Variants in CEP128 observed in about 807,000 individuals in gnomAD.
CEP128 encodes centrosomal protein 128kDa.
In CEP128, 132 loss-of-function variants were observed where a neutral mutation model predicts 156.7. The observed-to-expected ratio is 0.84, with a 90% CI of 0.73 to 0.97. CEP128 has a LOEUF of 0.97. Among genes scored for constraint, CEP128 ranks in the 50% least tolerant of loss-of-function variants. CEP128 has a pLI of 0.00. For synonymous variants in CEP128, 469 were observed against 448.9 expected, an observed-to-expected ratio of 1.04 and a Z score of -0.57; for missense variants, 1,252 against 1,281.9, an observed-to-expected ratio of 0.98 and a Z score of 0.36.
At chr14:80,879,771 AT>A (rs1340560036) in intron 8 of CEP128, among the ~76,000 whole-genome samples, 1 of 152,240 alleles carries the variant, frequency 6.6e-6, no homozygotes, top group African/African-American at 2.4e-5. Context: ...TAATGAAATA[AT>A]TGCTGAAAAC....
At chr14:80,478,045 C>T (rs12897856) in exon 15 of CEP128, 41,564 of 152,072 alleles carry the variant, frequency 0.27, 6,542 homozygotes, top group Admixed American at 0.38. Flanking sequence ...CCTTCAGCTT[C>T]ATCTGACACC....
At chr14:80,625,139 A>G (rs181141954) in intron 19 of CEP128, among the ~76,000 whole-genome samples, 4 of 152,274 alleles carry the variant, frequency 2.6e-5, no homozygotes, top group Admixed American at 2.6e-4. Flanking sequence ...ATTCTTTCAC[A>G]TATGGATACC....
At chr14:80,827,470 G>A (rs1019623000) in intron 13 of CEP128, among the ~76,000 whole-genome samples, 12 of 152,092 alleles carry the variant, frequency 7.9e-5, no homozygotes, top group Non-Finnish European at 7.4e-5. Flanking sequence ...AGCAAAATCC[G>A]TGCACAGCAA....
intron 8 of CEP128, among the ~76,000 whole-genome samples, chr14:80,879,066 C>T (rs1208816573): frequency 6.6e-6 from 1 of 152,206 alleles, no homozygotes; most frequent in Non-Finnish European, 1.5e-5. Context: ...CACTGAGGCT[C>T]TGCAGGTATC....
At chr14:80,619,235 A>G (rs950346051) in intron 19 of CEP128, among the ~76,000 whole-genome samples, 6 of 152,228 alleles carry the variant, frequency 3.9e-5, no homozygotes, top group African/African-American at 1.4e-4. Flanking sequence ...ACCAATAATT[A>G]AAAAACACTC....
chr14:80,505,069 C>A (rs1887910292), intron 23 of CEP128, 49 bp from the exon 24 acceptor site: 1 of 882,954 alleles, frequency 1.1e-6, no homozygotes, highest in Non-Finnish European at 1.7e-6. Flanking sequence ...AGGTATGGAC[C>A]AAGGCTCATT....
At chr14:80,678,049 A>AATAT (rs1555390205) in intron 19 of CEP128, among the ~76,000 whole-genome samples, 2 of 98,496 alleles carry the variant, frequency 2.0e-5, no homozygotes, top group Admixed American at 9.3e-5. Context: ...ATAAAAAAAA[A>AATAT]ATATATATAT....
At chr14:80,772,421 T>A (rs1305229598) in intron 16 of CEP128, among the ~76,000 whole-genome samples, 1 of 151,750 alleles carries the variant, frequency 6.6e-6, no homozygotes, top group Non-Finnish European at 1.5e-5. Context: ...TCCCACTCCA[T>A]CCCCCCTCCA....
intron 13 of CEP128, among the ~76,000 whole-genome samples, chr14:80,815,575 T>C (rs958362766): frequency 6.6e-6 from 1 of 152,128 alleles, no homozygotes; most frequent in Non-Finnish European, 1.5e-5. Context: ...AGAATCAACA[T>C]GAAAGAAAAG....
chr14:80,657,983 C>A (rs573813114), intron 19 of CEP128, among the ~76,000 whole-genome samples: 1 of 150,808 alleles, frequency 6.6e-6, no homozygotes, highest in Non-Finnish European at 1.5e-5. Context: ...CATTGAATAT[C>A]TATTCTACCT....
chr14:80,824,312 G>A (rs1327663769), intron 13 of CEP128, among the ~76,000 whole-genome samples: 2 of 152,182 alleles, frequency 1.3e-5, no homozygotes, highest in African/African-American at 4.8e-5. Flanking sequence ...TTTCCCCACT[G>A]TTTTGGGGTT....
intron 15 of CEP128, among the ~76,000 whole-genome samples, chr14:80,780,926 C>T (rs1901074968): frequency 6.6e-6 from 1 of 152,180 alleles, no homozygotes; most frequent in South Asian, 2.1e-4. Context: ...CCTAAATGTG[C>T]TGTACCTGGG....
At chr14:80,584,141 A>T (rs965644865) in intron 19 of CEP128, among the ~76,000 whole-genome samples, 29 of 117,350 alleles carry the variant, frequency 2.5e-4, no homozygotes, top group Non-Finnish European at 2.2e-4. Flanking sequence ...CGTCCGTGAC[A>T]TTTTTTTTTT....
At chr14:80,941,812 G>C (rs1167250857), upstream of CEP128, 1 of 152,592 alleles carries the variant, frequency 6.6e-6, no homozygotes, top group East Asian at 1.9e-4. Context: ...AGTCCATCTC[G>C]GCCTCATGAT....
intron 13 of CEP128, among the ~76,000 whole-genome samples, chr14:80,811,818 T>TTAGATAGACAGA (rs1555350875): frequency 1.3e-5 from 2 of 149,632 alleles, no homozygotes; most frequent in Middle Eastern, 3.4e-3. Context: ...CACGCATGTA[T>TTAGATAGACAGA]TAGATAGATA....
intron 19 of CEP128, among the ~76,000 whole-genome samples, chr14:80,670,290 T>C (rs1249644837): frequency 1.3e-5 from 2 of 152,198 alleles, no homozygotes; most frequent in African/African-American, 4.8e-5. Context: ...TGTGTTTAAT[T>C]GCTGCACTAT....
intron 19 of CEP128, among the ~76,000 whole-genome samples, chr14:80,676,162 G>A (rs1366832748): frequency 6.6e-6 from 1 of 151,920 alleles, no homozygotes; most frequent in Non-Finnish European, 1.5e-5. Context: ...ACATCTCTAT[G>A]ATACACAGTC....
At chr14:80,651,602 T>C (rs556055655) in intron 19 of CEP128, among the ~76,000 whole-genome samples, 1 of 152,326 alleles carries the variant, frequency 6.6e-6, no homozygotes, top group South Asian at 2.1e-4. Flanking sequence ...GTCCCAGAGA[T>C]TCTGGTACAT....
At chr14:80,581,425 AC>A (rs1891588300) in intron 19 of CEP128, among the ~76,000 whole-genome samples, 1 of 152,190 alleles carries the variant, frequency 6.6e-6, no homozygotes, top group Non-Finnish European at 1.5e-5. Context: ...ATAGCAGGAA[AC>A]AGTCATATAG....
Sources: allele counts gnomAD v4.1 joint callset (sites outside exome capture counted in the v4.1 genomes callset), GRCh38; gene constraint gnomAD v4.1.1; transcripts MANE v1.5; gene names NCBI Gene and HGNC (gene_info 2026-07-23, HGNC 2026-07-21).